NOL4: variants seen among roughly 807,000 people sequenced by gnomAD.
NOL4 encodes nucleolar protein 4, also known as cancer/testis antigen 125.
NOL4 carries 17 observed loss-of-function variants against 75.9 expected under a neutral mutation model. The observed-to-expected ratio is 0.22, with a 90% CI of 0.15 to 0.34. The LOEUF is 0.34. NOL4 is among the 10% of genes least tolerant of loss of function. The pLI is 1.00. For missense variants in NOL4, 614 were observed against 793.5 expected, an observed-to-expected ratio of 0.77 and a Z score of 2.72; for synonymous variants, 292 against 289.9, an observed-to-expected ratio of 1.01 and a Z score of -0.07.
chr18:34,072,607 C>A (rs1447364529), intron 5 of NOL4, among the ~76,000 whole-genome samples: 1 of 152,126 alleles, frequency 6.6e-6, no homozygotes, highest in Non-Finnish European at 1.5e-5. Context: ...ACTTAGTTTG[C>A]ATAAACAGAA....
chr18:34,051,386 T>C (rs2076618545), intron 5 of NOL4, among the ~76,000 whole-genome samples: 1 of 152,106 alleles, frequency 6.6e-6, no homozygotes, highest in Non-Finnish European at 1.5e-5. Context: ...TAAATATGTA[T>C]TCAAGTAATC....
chr18:34,001,490 C>T (rs1002798169), intron 6 of NOL4, among the ~76,000 whole-genome samples: 2 of 152,026 alleles, frequency 1.3e-5, no homozygotes, highest in African/African-American at 4.8e-5. Flanking sequence ...GTCTTAAAGA[C>T]TTCATAGCCC....
intron 5 of NOL4, among the ~76,000 whole-genome samples, chr18:34,039,736 A>G (rs571900502): frequency 1.4e-4 from 21 of 152,156 alleles, no homozygotes; most frequent in African/African-American, 5.1e-4. Flanking sequence ...ATTCAAAATC[A>G]TGATATAAAG....
intron 8 of NOL4, among the ~76,000 whole-genome samples, chr18:33,952,997 A>G (rs1568118371): frequency 6.6e-6 from 1 of 152,118 alleles, no homozygotes; most frequent in Non-Finnish European, 1.5e-5. Context: ...CTACTCTAGG[A>G]GCAAAGGCAG....
chr18:34,166,784 T>C (rs2032402532), intron 1 of NOL4, among the ~76,000 whole-genome samples: 1 of 108,698 alleles, frequency 9.2e-6, no homozygotes, highest in South Asian at 2.5e-4. Flanking sequence ...ACGCCTGTAA[T>C]CCCAGCACTT....
chr18:33,994,834 A>C (rs1243590700), intron 6 of NOL4, among the ~76,000 whole-genome samples: 8 of 151,830 alleles, frequency 5.3e-5, no homozygotes, highest in African/African-American at 1.9e-4. Context: ...AACAATAGGC[A>C]AAAACGAATA....
At chr18:33,950,751 G>C (rs1448849966) in intron 8 of NOL4, among the ~76,000 whole-genome samples, 1 of 152,152 alleles carries the variant, frequency 6.6e-6, no homozygotes, top group East Asian at 1.9e-4. Context: ...TTAGCTAGCA[G>C]TGAGGATTAA....
intron 1 of NOL4, among the ~76,000 whole-genome samples, chr18:34,194,252 G>A (rs2035138070): frequency 6.6e-6 from 1 of 152,040 alleles, no homozygotes; most frequent in Non-Finnish European, 1.5e-5. Flanking sequence ...GTGAAGCAAT[G>A]CGTATGTTAA....
At chr18:34,073,833 C>T (rs986545264) in intron 5 of NOL4, among the ~76,000 whole-genome samples, 1 of 151,780 alleles carries the variant, frequency 6.6e-6, no homozygotes, top group Admixed American at 6.6e-5. Context: ...AATAGAAAAA[C>T]TTTTATAGGA....
chr18:34,168,763 C>CAAATTT, intron 1 of NOL4, among the ~76,000 whole-genome samples: 1 of 151,622 alleles, frequency 6.6e-6, no homozygotes, highest in African/African-American at 2.4e-5. Context: ...TTTGCATTTT[C>CAAATTT]AAATTTAAAC....
chr18:34,049,423 A>T (rs1171599418), intron 5 of NOL4, among the ~76,000 whole-genome samples: 1 of 152,016 alleles, frequency 6.6e-6, no homozygotes. Flanking sequence ...TATATTTTAA[A>T]CAGTTGATAG....
intron 5 of NOL4, among the ~76,000 whole-genome samples, chr18:34,055,068 T>C (rs979150782): frequency 2.6e-5 from 4 of 151,296 alleles, no homozygotes; most frequent in Non-Finnish European, 4.4e-5. Context: ...TTTTATGTTA[T>C]TGATGTCCCA....
intron 1 of NOL4, among the ~76,000 whole-genome samples, chr18:34,131,507 C>T (rs1357853593): frequency 3.3e-5 from 5 of 152,004 alleles, no homozygotes; most frequent in Admixed American, 6.6e-5. Flanking sequence ...TCTAACTGTA[C>T]CCACTAGTAA....
chr18:34,203,304 T>C lies in NOL4; in HGVS notation c.264+19686A>G, dbSNP rs1274347921. Among the ~76,000 whole-genome samples the C allele has an allele frequency of 3.3e-5, 5 of 151,930 alleles. No homozygotes were observed. In the East Asian group the frequency reaches 9.7e-4, roughly 29 times the overall value. ...GATGAAGGAACAGGAAAGAGGTGGA[T>C]GTGATTATAAAAGAGCAGACTGAGG... On this transcript the variant is annotated intron_variant, in intron 1 of 10. Transcript: ENST00000261592.
intron 1 of NOL4, among the ~76,000 whole-genome samples, chr18:34,162,080 T>C (rs2031573485): frequency 6.6e-6 from 1 of 152,138 alleles, no homozygotes. Flanking sequence ...ATTTGCTCAT[T>C]TCTGCCCACG....
At chr18:34,068,648 C>T (rs1263087248) in intron 5 of NOL4, among the ~76,000 whole-genome samples, 2 of 152,128 alleles carry the variant, frequency 1.3e-5, no homozygotes, top group East Asian at 1.9e-4. Context: ...CCACCCACCT[C>T]GGCCTCCCAA....
intron 1 of NOL4, among the ~76,000 whole-genome samples, chr18:34,221,845 T>G (rs2037330390): frequency 6.6e-6 from 1 of 152,090 alleles, no homozygotes; most frequent in South Asian, 2.1e-4. Context: ...CCATTAGAGA[T>G]AGAATAGCTT....
intron 1 of NOL4, among the ~76,000 whole-genome samples, chr18:34,140,238 A>C (rs892387665): frequency 3.3e-5 from 5 of 152,094 alleles, no homozygotes; most frequent in African/African-American, 1.2e-4. Flanking sequence ...TATCCTTGTT[A>C]ACATTCTGTC....
At chr18:33,919,211 G>A (rs2066894762) in intron 9 of NOL4, among the ~76,000 whole-genome samples, 1 of 152,074 alleles carries the variant, frequency 6.6e-6, no homozygotes. Context: ...ACAGCTCCCG[G>A]CACTCTTAAG....
Sources: allele counts gnomAD v4.1 joint callset (sites outside exome capture counted in the v4.1 genomes callset), GRCh38; gene constraint gnomAD v4.1.1; transcripts MANE v1.5; gene names NCBI Gene and HGNC (gene_info 2026-07-23, HGNC 2026-07-21).